Variants in DTNB observed in about 807,000 individuals in gnomAD.
DTNB encodes DTN-B.
A neutral mutation model predicts 90.7 loss-of-function variants in DTNB; 63 were observed. The observed-to-expected ratio is 0.69, with a 90% CI of 0.57 to 0.86. The LOEUF is 0.86. DTNB is among the 40% of genes least tolerant of loss of function. DTNB has a pLI of 0.00. For missense variants in DTNB, 744 were observed against 807.1 expected, an observed-to-expected ratio of 0.92 and a Z score of 0.95; for synonymous variants, 277 against 286.7, an observed-to-expected ratio of 0.97 and a Z score of 0.34.
At chr2:25,531,706 C>T in intron 8 of DTNB, 109 bp from the exon 9 acceptor site, 4 of 1,414,694 alleles carry the variant, frequency 2.8e-6, no homozygotes, top group Non-Finnish European at 3.8e-6. Context: ...TTTTCAAATA[C>T]AAATCAAGTT....
Position 25,670,968 on chromosome 2 carries a change from C to T in DTNB, c.-2+2418G>A, listed in dbSNP as rs527931034. 2.0e-5 allele frequency among the ~76,000 whole-genome samples: 3 copies of T among 152,336 alleles called. No homozygotes were observed. In the South Asian group the frequency reaches 6.2e-4, roughly 32 times the overall value. On this transcript the variant is annotated intron_variant, in intron 1 of 20. Coordinates refer to ENST00000406818, the MANE Select transcript of DTNB (RefSeq NM_021907.5). ...CACTGCATAAGCCACCTTCTGGTTACTCACTTAGTAGCTGTCTCAATGATC... is the reference window on the plus strand; with the variant it reads ...CACTGCATAAGCCACCTTCTGGTTATTCACTTAGTAGCTGTCTCAATGATC...
intron 1 of DTNB, among the ~76,000 whole-genome samples, chr2:25,658,212 G>A (rs180900162): frequency 1.4e-4 from 20 of 147,416 alleles, no homozygotes; most frequent in Non-Finnish European, 1.5e-4. Flanking sequence ...TGCTGAAATC[G>A]CACCATTGCA....
chr2:25,632,145 A>C (rs1244965924), intron 3 of DTNB, among the ~76,000 whole-genome samples: 1 of 145,716 alleles, frequency 6.9e-6, no homozygotes, highest in African/African-American at 2.5e-5. Context: ...GTAAGCTGAA[A>C]TCTCAGCCCT....
intron 7 of DTNB, among the ~76,000 whole-genome samples, chr2:25,577,706 T>C (rs1327509791): frequency 6.6e-6 from 1 of 152,036 alleles, no homozygotes; most frequent in African/African-American, 2.4e-5. Context: ...AGGAAGTTAA[T>C]AGAAAAGAGG....
intron 19 of DTNB, among the ~76,000 whole-genome samples, chr2:25,382,226 C>T (rs1323733354): frequency 2.0e-5 from 3 of 152,184 alleles, no homozygotes; most frequent in Non-Finnish European, 4.4e-5. Flanking sequence ...CATTTCTCTC[C>T]CCGATAAGGT....
intron 1 of DTNB, among the ~76,000 whole-genome samples, chr2:25,658,283 G>T (rs531136526): frequency 3.3e-5 from 5 of 151,182 alleles, no homozygotes; most frequent in African/African-American, 1.2e-4. Flanking sequence ...AAAAAAAAAT[G>T]CTAACAAGGA....
chr2:25,494,481 A>AG (rs1280301130), intron 9 of DTNB, among the ~76,000 whole-genome samples: 3 of 10,958 alleles, frequency 2.7e-4, no homozygotes, highest in East Asian at 2.8e-3. Flanking sequence ...TGGGGGGAGG[A>AG]GGGGGGAGTG....
At chr2:25,538,425 C>T (rs2080341580) in intron 8 of DTNB, among the ~76,000 whole-genome samples, 1 of 152,042 alleles carries the variant, frequency 6.6e-6, no homozygotes, top group East Asian at 1.9e-4. Context: ...TATATATACA[C>T]ACACCAAAGA....
intron 8 of DTNB, among the ~76,000 whole-genome samples, chr2:25,553,233 A>G (rs2056677380): frequency 6.6e-6 from 1 of 152,214 alleles, no homozygotes; most frequent in East Asian, 1.9e-4. Context: ...GAGTATGCCT[A>G]TAGTCATAGG....
intron 19 of DTNB, among the ~76,000 whole-genome samples, chr2:25,382,289 C>T (rs2149501139): frequency 6.6e-6 from 1 of 151,712 alleles, no homozygotes; most frequent in South Asian, 2.1e-4. Flanking sequence ...ATTTATTGAC[C>T]TCCTACTAAG....
At chr2:25,386,798 A>C (rs905144626) in intron 18 of DTNB, among the ~76,000 whole-genome samples, 13 of 152,270 alleles carry the variant, frequency 8.5e-5, no homozygotes, top group African/African-American at 3.1e-4. Flanking sequence ...AGGTGAAATC[A>C]GAGCCTGGTC....
chr2:25,620,818 AAAAT>A (rs2148650133), intron 4 of DTNB, among the ~76,000 whole-genome samples: 2 of 152,306 alleles, frequency 1.3e-5, no homozygotes, highest in East Asian at 3.9e-4. Flanking sequence ...AATAAAAAAT[AAAAT>A]AAATAGCCTG....
rs541577779 is a variant in DTNB, at chr2:25,430,404, C to G, written c.1457+2482G>C. ...AGACTTCTTCCTCTGAACTCCTGAGCCTGGGTGTGATATTCTTTATCTGTA... is the reference window on the plus strand; with the variant it reads ...AGACTTCTTCCTCTGAACTCCTGAGGCTGGGTGTGATATTCTTTATCTGTA... On this transcript the variant is annotated intron_variant, in intron 14 of 20. Coordinates refer to ENST00000406818, the MANE Select transcript of DTNB (RefSeq NM_021907.5). Among the ~76,000 whole-genome samples the G allele has an allele frequency of 7.9e-5, 12 of 152,162 alleles. 1 individual carries two copies. In the South Asian group the frequency reaches 2.3e-3, roughly 29 times the overall value.
intron 10 of DTNB, among the ~76,000 whole-genome samples, chr2:25,480,746 G>T (rs1474367534): frequency 1.3e-5 from 2 of 152,160 alleles, no homozygotes; most frequent in African/African-American, 2.4e-5. Context: ...ATAATTAACA[G>T]GAAAACTATG....
intron 19 of DTNB, among the ~76,000 whole-genome samples, chr2:25,381,017 C>T (rs1462070246): frequency 6.6e-6 from 1 of 152,208 alleles, no homozygotes; most frequent in Non-Finnish European, 1.5e-5. Flanking sequence ...GGCAAGGCCT[C>T]AGTGGCTGGG....
chr2:25,653,507 CTTTCTTTCTTT>C (rs1168442234), intron 1 of DTNB, among the ~76,000 whole-genome samples: 6 of 109,300 alleles, frequency 5.5e-5, no homozygotes, highest in East Asian at 4.5e-4. Context: ...TTCTTTCTTT[CTTTCTTTCTTT>C]TTTTTTTTTT....
At chr2:25,632,110 G>A (rs967700034) in intron 3 of DTNB, among the ~76,000 whole-genome samples, 6 of 145,218 alleles carry the variant, frequency 4.1e-5, no homozygotes, top group Non-Finnish European at 4.5e-5. Flanking sequence ...CAGGAGAATC[G>A]CTTGAACCTG....
intron 6 of DTNB, among the ~76,000 whole-genome samples, chr2:25,584,718 A>G (rs976693406): frequency 3.3e-5 from 5 of 151,998 alleles, no homozygotes; most frequent in African/African-American, 4.8e-5. Flanking sequence ...CACCATGGCC[A>G]GCTAATTTTT....
intron 10 of DTNB, among the ~76,000 whole-genome samples, chr2:25,465,498 T>C (rs2061626467): frequency 6.6e-6 from 1 of 152,232 alleles, no homozygotes; most frequent in South Asian, 2.1e-4. Flanking sequence ...TTAAAAATGC[T>C]TTTTAAAAAT....
Sources: allele counts gnomAD v4.1 joint callset (sites outside exome capture counted in the v4.1 genomes callset), GRCh38; gene constraint gnomAD v4.1.1; transcripts MANE v1.5; gene names NCBI Gene and HGNC (gene_info 2026-07-23, HGNC 2026-07-21).